Variants in ANXA9 observed in about 807,000 individuals in gnomAD.
ANXA9 encodes annexin 31.
In ANXA9, 47 loss-of-function variants were observed where a neutral mutation model predicts 51.8. That is an observed-to-expected ratio of 0.91 (90% CI 0.72 to 1.16). The LOEUF (loss-of-function observed/expected upper bound fraction) is 1.16, where lower values mean the gene tolerates loss of function less well. Ranked by LOEUF, ANXA9 falls within the 50% of genes most tolerant of loss-of-function variation. The pLI is 0.00. For synonymous variants in ANXA9, 154 were observed against 168.7 expected (o/e 0.91, Z 0.68); for missense variants, 361 against 424.7 (o/e 0.85, Z 1.32).
intron 12 of ANXA9, 148 bp from the exon 13 acceptor site, chr1:150,994,429 T>C: frequency 7.9e-7 from 1 of 1,272,546 alleles, no homozygotes; most frequent in East Asian, 2.4e-5. Context: ...CAAACATAAC[T>C]TTTGTCCCGA....
intron 12 of ANXA9, among the ~76,000 whole-genome samples, chr1:150,988,839 A>G (rs1236031733): frequency 6.6e-6 from 1 of 152,120 alleles, no homozygotes; most frequent in Non-Finnish European, 1.5e-5. Flanking sequence ...GTAGCTAGTA[A>G]GTTATACAGT....
Position 150,988,312 on chromosome 1 carries a change from T to G in ANXA9, c.823T>G (p.Phe275Val). 1 of 1,614,146 alleles carries G rather than the reference T, an allele frequency of 6.2e-7. No homozygotes were observed. Among genetic ancestry groups the G allele is most frequent in the Non-Finnish European group, 8.5e-7 (1 of 1,180,018 alleles). Reference protein sequence around the residue: ...ASVIKNTPLYFADKLHQALQE... With the variant: ...ASVIKNTPLYVADKLHQALQE... ...GGTGATCAAGAACACACCGCTGTAC[T>G]TTGCTGACAAACTTCATCAAGCCCT... The change falls in exon 12 of 14, where the codon TTT becomes GTT. Residue 275 changes from phenylalanine to valine, a missense_variant. Transcript: ENST00000368947.
intron 7 of ANXA9, among the ~76,000 whole-genome samples, chr1:150,985,426 T>C (rs1671529501): frequency 6.6e-6 from 1 of 152,124 alleles, no homozygotes; most frequent in African/African-American, 2.4e-5. Flanking sequence ...TCACCTTTCA[T>C]GTCCCTGATG....
At chr1:150,986,493 T>C (rs1671561356) in intron 8 of ANXA9, 78 bp downstream of exon 8, 2 of 1,577,698 alleles carry the variant, frequency 1.3e-6, no homozygotes, top group Non-Finnish European at 8.7e-7. Context: ...AGCATTGCTG[T>C]CCTGTAATGG....
At chr1:150,993,541 C>T (rs2102807115) in intron 12 of ANXA9, among the ~76,000 whole-genome samples, 1 of 151,240 alleles carries the variant, frequency 6.6e-6, no homozygotes, top group South Asian at 2.1e-4. Context: ...AACTCCTGAC[C>T]ATAAATGATC....
intron 9 of ANXA9, 115 bp downstream of exon 9, chr1:150,986,776 C>T: frequency 1.9e-6 from 2 of 1,054,066 alleles, no homozygotes; most frequent in Non-Finnish European, 2.7e-6. Context: ...CCATCCCTGC[C>T]TTGGAGAGGG....
At chr1:150,983,658 G>A (rs1278347694) in intron 4 of ANXA9, among the ~76,000 whole-genome samples, 1 of 152,150 alleles carries the variant, frequency 6.6e-6, no homozygotes, top group Non-Finnish European at 1.5e-5. Flanking sequence ...TGGGGCTCAG[G>A]GAGATTAAGA....
chr1:150,995,129 C>A, intron 13 of ANXA9, 131 bp from the exon 14 acceptor site: 1 of 898,380 alleles, frequency 1.1e-6, no homozygotes, highest in Non-Finnish European at 1.7e-6. Flanking sequence ...TAATGTAGTG[C>A]AGGACTCTGA....
rs7532008 is a variant in ANXA9 at position 150,987,874 on chromosome 1, A to C, written c.615A>C (p.Ala205=). 0.33 allele frequency: 536,809 copies of C among 1,612,486 alleles called. 97,149 individuals are homozygous for C. Among genetic ancestry groups the C allele is most frequent in the East Asian group, 0.6 (27,001 of 44,846 alleles). ...DYNLAEQDVQ[A]LQRAEGPSRE... is the part of the protein sequence containing the mutation. Reference sequence around the variant, plus strand: ...CCTGACTCATTCCTCCCTCCTAGGCACTGCAGCGGGCAGAAGGACCTAGCA... The same window carrying C: ...CCTGACTCATTCCTCCCTCCTAGGCCCTGCAGCGGGCAGAAGGACCTAGCA... Residue 205 remains alanine (A), a splice_region_variant and synonymous_variant, in exon 10 of 14, where the codon GCA becomes GCC. Transcript: ENST00000368947.
intron 12 of ANXA9, among the ~76,000 whole-genome samples, chr1:150,993,932 C>T (rs1199182953): frequency 6.6e-6 from 1 of 152,162 alleles, no homozygotes; most frequent in South Asian, 2.1e-4. Context: ...CTGTGCCTGG[C>T]CTGTTATTTC....
chr1:150,994,521 CCTA>C lies in ANXA9; in HGVS notation c.853-53_853-51del, dbSNP rs1671784248. 4 of 1,606,208 alleles carry C rather than the reference CCTA, an allele frequency of 2.5e-6. No homozygotes were observed. The South Asian group carries it at 4.4e-5, about 18-fold the overall frequency. On this transcript the variant is annotated intron_variant, in intron 12 of 13. Coordinates refer to ENST00000368947, the MANE Select transcript of ANXA9 (RefSeq NM_003568.3). ...CAATAACCCTCCAAGCCATTCAACC[CCTA>C]CTCTCAGTGAGACTCTCACTAACTA...
In ANXA9 at chr1:150,988,172, C is replaced by G. The variant is rs762802671; in HGVS notation, c.779C>G (p.Ala260Gly). ...QNRFHGDAQV[A>G]LLGLASVIKN... ...CGTTTCCATGGAGATGCTCAGGTGG[C>G]TCTGCTCGGCCTAGGTAGGGGCCTG... The change falls in exon 11 of 14, where the codon GCT (alanine) becomes GGT (glycine). Residue 260 changes from alanine (A) to glycine (G), a missense_variant. Ala to Gly is a moderately conservative substitution (Grantham distance 60, BLOSUM62 0). Transcript: ENST00000368947. 22 of 1,614,148 alleles carry G rather than the reference C, an allele frequency of 1.4e-5. No homozygotes were observed. Among genetic ancestry groups the G allele is most frequent in the Non-Finnish European group, 1.9e-5 (22 of 1,180,058 alleles).
chr1:150,986,483 A>C (rs587775232), intron 8 of ANXA9, 68 bp downstream of exon 8: 2 of 1,580,954 alleles, frequency 1.3e-6, no homozygotes, highest in Admixed American at 3.3e-5. Flanking sequence ...TGGAGCAGGG[A>C]GCATTGCTGT....
At chr1:150,977,879 T>C (rs587682639), upstream of ANXA9, among the ~76,000 whole-genome samples, 1 of 152,348 alleles carries the variant, frequency 6.6e-6, no homozygotes, top group South Asian at 2.1e-4. Context: ...CTTATGCCTG[T>C]AATCCCAACA....
intron 13 of ANXA9, 62 bp from the exon 14 acceptor site, chr1:150,995,198 G>A: frequency 6.5e-7 from 1 of 1,535,266 alleles, no homozygotes; most frequent in Non-Finnish European, 8.9e-7. Context: ...CAAAGGAGGG[G>A]AGAGAGCACT....
intron 12 of ANXA9, 150 bp downstream of exon 12, chr1:150,988,491 G>T: frequency 1.0e-6 from 1 of 978,116 alleles, no homozygotes; most frequent in South Asian, 1.6e-5. Flanking sequence ...GCTTACACAG[G>T]GGTGGAGGAA....
Position 150,994,697 on chromosome 1 carries a change from C to G in ANXA9, c.973C>G (p.Gln325Glu), listed in dbSNP as rs189667604. Residue 325 changes from glutamine to glutamate, a missense_variant and splice_region_variant, in exon 13 of 14, where the codon CAG becomes GAG. Physicochemically the swap from Gln to Glu is conservative, Grantham distance 29. Transcript: ENST00000368947. ...TGGGAAGTCCCTCTACTCTTCTCTCCAGGTGAAACTTGGCTACTTCTTAGC... is the reference window on the plus strand; with the variant it reads ...TGGGAAGTCCCTCTACTCTTCTCTCGAGGTGAAACTTGGCTACTTCTTAGC... ...KFGKSLYSSL[Q>E]DAVKGDCQSA... is the part of the protein sequence containing the mutation. 2 of 1,613,766 alleles carry G rather than the reference C, an allele frequency of 1.2e-6. No individual in the cohort carries two copies. Among genetic ancestry groups the G allele is most frequent in the African/African-American group, 2.7e-5 (2 of 74,932 alleles).
chr1:150,993,793 C>G (rs1298787136), intron 12 of ANXA9, among the ~76,000 whole-genome samples: 1 of 151,812 alleles, frequency 6.6e-6, no homozygotes, highest in African/African-American at 2.4e-5. Flanking sequence ...CACCACCATG[C>G]CTGGCTTATT....
intron 7 of ANXA9, among the ~76,000 whole-genome samples, chr1:150,986,036 A>G (rs1671548467): frequency 6.6e-6 from 1 of 152,006 alleles, no homozygotes; most frequent in Non-Finnish European, 1.5e-5. Flanking sequence ...TTGTGTTATA[A>G]TACGGGTTTC....
Sources: gnomAD v4.1 joint callset for allele counts (sites outside exome capture counted in the v4.1 genomes callset) on GRCh38, gnomAD v4.1.1 for gene constraint, MANE v1.5 for transcripts, NCBI Gene and HGNC (gene_info 2026-07-23, HGNC 2026-07-21) for gene names.